Variants in LIPA observed in about 807,000 individuals in gnomAD.
LIPA encodes the protein lipase A, lysosomal acid type, also known as lysosomal acid lipase/cholesteryl ester hydrolase.
A neutral mutation model predicts 40.6 loss-of-function variants in LIPA; 26 were observed. That is an observed-to-expected ratio of 0.64 (90% CI 0.47 to 0.89). LIPA has a LOEUF of 0.89. Among genes scored for constraint, LIPA ranks in the 40% least tolerant of loss-of-function variants. The probability of loss-of-function intolerance (pLI) is 0.00; values close to 1 mark genes in which losing one functional copy is unlikely to be tolerated. For synonymous variants in LIPA, 188 were observed against 168.4 expected (o/e 1.12, Z -0.90); for missense variants, 455 against 479.6 (o/e 0.95, Z 0.48).
rs1407750000 is a variant in LIPA at position 89,214,927 on chromosome 10, C to G, written c.1101G>C (p.Glu367Asp). The G allele has an allele frequency of 1.2e-6, 2 of 1,614,072 alleles. No homozygotes were observed. Among genetic ancestry groups the G allele is most frequent in the Non-Finnish European group, 1.7e-6 (2 of 1,179,964 alleles). Residue 367 changes from glutamate (E) to aspartate (D), a missense_variant, in exon 10 of 10, where the codon GAG becomes GAC. By Grantham distance (45) the Glu-to-Asp change is conservative. Coordinates refer to ENST00000336233, the MANE Select transcript of LIPA (RefSeq NM_000235.4). ...CAAGATGCTCCCATTCCGGAATGCT[C>G]TCATGGAACACCAAGTTGGTGATCT... Reference protein sequence around the residue: ...LTQITNLVFHESIPEWEHLDF... With the variant: ...LTQITNLVFHDSIPEWEHLDF...
chr10:89,320,419 C>T (rs912576556), intron 1 of LIPA, among the ~76,000 whole-genome samples: 1 of 152,052 alleles, frequency 6.6e-6, no homozygotes, highest in Non-Finnish European at 1.5e-5. Flanking sequence ...TCCTATACAC[C>T]AATAACAGAC....
Position 89,408,080 on chromosome 10 carries a change from A to G in LIPA, c.61+4711T>C, listed in dbSNP as rs536101123. 3.3e-3 allele frequency among the ~76,000 whole-genome samples: 504 copies of G among 152,192 alleles called. 5 individuals carry two copies. Among genetic ancestry groups the G allele is most frequent in the African/African-American group, 0.012 (483 of 41,522 alleles). On this transcript the variant is annotated intron_variant, in intron 2 of 8. Coordinates refer to the LIPA transcript ENST00000371837. Reference sequence around the variant, plus strand: ...CAGGGGGAGAAACAAACAAACCAAAACCATGGGTGGTTTTGTCTTTCAGAA... The same window carrying G: ...CAGGGGGAGAAACAAACAAACCAAAGCCATGGGTGGTTTTGTCTTTCAGAA...
intron 2 of LIPA, among the ~76,000 whole-genome samples, chr10:89,357,184 G>A (rs1434449075): frequency 3.9e-5 from 6 of 152,268 alleles, no homozygotes; most frequent in African/African-American, 7.2e-5. Flanking sequence ...CAGGAACCAG[G>A]GACAAAGGCT....
intron 2 of LIPA, among the ~76,000 whole-genome samples, chr10:89,394,577 A>AATATATATAT (rs200060906): frequency 1.2e-3 from 125 of 108,680 alleles, no homozygotes; most frequent in Non-Finnish European, 1.9e-3. Flanking sequence ...ACTACAGGAA[A>AATATATATAT]ATATATATAT....
chr10:89,289,924 A>G (rs533325102), intron 1 of LIPA, among the ~76,000 whole-genome samples: 1 of 151,186 alleles, frequency 6.6e-6, no homozygotes, highest in East Asian at 2.0e-4. Flanking sequence ...TTCTTTAACA[A>G]ACAATTGCTG....
intron 1 of LIPA, among the ~76,000 whole-genome samples, chr10:89,325,167 C>T (rs1843592055): frequency 6.6e-6 from 1 of 152,142 alleles, no homozygotes; most frequent in Admixed American, 6.5e-5. Flanking sequence ...AATGAGATAT[C>T]ATGTCATACC....
intron 1 of LIPA, chr10:89,291,969 T>C (rs1189747756): frequency 1.3e-5 from 2 of 152,164 alleles, no homozygotes; most frequent in Admixed American, 1.3e-4. Context: ...GTGTACCCTC[T>C]TTACTCTCAA....
At chr10:89,325,808 C>T (rs1347972339) in intron 1 of LIPA, among the ~76,000 whole-genome samples, 1 of 152,054 alleles carries the variant, frequency 6.6e-6, no homozygotes, top group African/African-American at 2.4e-5. Context: ...AGCCTCATGA[C>T]ATGCAATTTA....
chr10:89,321,211 G>C (rs1295767891), intron 1 of LIPA, among the ~76,000 whole-genome samples: 1 of 152,014 alleles, frequency 6.6e-6, no homozygotes, highest in Non-Finnish European at 1.5e-5. Context: ...AGCCAAAATT[G>C]ACAAATGGGA....
At chr10:89,240,402 C>A (rs1360854299) in intron 3 of LIPA, among the ~76,000 whole-genome samples, 1 of 152,088 alleles carries the variant, frequency 6.6e-6, no homozygotes, top group South Asian at 2.1e-4. Context: ...TATGATTGTA[C>A]CACTGCATTC....
At chr10:89,262,547 A>G (rs1843216193) in intron 1 of LIPA, among the ~76,000 whole-genome samples, 1 of 152,184 alleles carries the variant, frequency 6.6e-6, no homozygotes, top group African/African-American at 2.4e-5. Flanking sequence ...ACATTTTTAT[A>G]TCTTCATTCT....
At chr10:89,241,566 C>A (rs1487098048) in intron 3 of LIPA, among the ~76,000 whole-genome samples, 1 of 152,184 alleles carries the variant, frequency 6.6e-6, no homozygotes, top group Non-Finnish European at 1.5e-5. Context: ...AAGCAAAATA[C>A]AAGCTGATGG....
intron 1 of LIPA, chr10:89,306,551 A>C: frequency 1.2e-6 from 2 of 1,614,084 alleles, no homozygotes; most frequent in Non-Finnish European, 1.7e-6. Flanking sequence ...TGACCCTCTG[A>C]GGCAAGCCAT....
intron 2 of LIPA, among the ~76,000 whole-genome samples, chr10:89,389,238 G>A (rs1844229059): frequency 1.3e-5 from 2 of 152,126 alleles, no homozygotes; most frequent in East Asian, 3.8e-4. Context: ...AAAACGTGAG[G>A]AAAATCAAAG....
Position 89,289,959 on chromosome 10 carries a change from A to T in LIPA, c.-1-42310T>A, listed in dbSNP as rs566616349. Reference sequence around the variant, plus strand: ...GGCTTTGCATTTCTCTTTCCTACAAAATCGCTGAGGCCTTGACTTACTCAC... The same window carrying T: ...GGCTTTGCATTTCTCTTTCCTACAATATCGCTGAGGCCTTGACTTACTCAC... On this transcript the variant is annotated intron_variant, in intron 1 of 5. Coordinates refer to the LIPA transcript ENST00000282673. 1.1e-4 allele frequency among the ~76,000 whole-genome samples: 16 copies of T among 146,436 alleles called. No individual in the cohort carries two copies. The South Asian group carries it at 3.7e-3, about 34-fold the overall frequency.
chr10:89,256,776 T>C (rs1003058009), intron 1 of LIPA, among the ~76,000 whole-genome samples: 3 of 152,230 alleles, frequency 2.0e-5, no homozygotes, highest in African/African-American at 7.2e-5. Context: ...TAAATCCAGG[T>C]TGTCATCCGT....
At chr10:89,359,784 C>T (rs1235889430) in intron 2 of LIPA, among the ~76,000 whole-genome samples, 1 of 151,374 alleles carries the variant, frequency 6.6e-6, no homozygotes, top group Non-Finnish European at 1.5e-5. Context: ...AGGCCTGGAT[C>T]TCCCTCTCTA....
At chr10:89,320,733 GA>G (rs1843566622) in intron 1 of LIPA, among the ~76,000 whole-genome samples, 1 of 152,120 alleles carries the variant, frequency 6.6e-6, no homozygotes, top group Non-Finnish European at 1.5e-5. Context: ...AGTTCATATG[GA>G]ACCAAAATAG....
At chr10:89,241,817 A>T (rs1444905613) in intron 3 of LIPA, among the ~76,000 whole-genome samples, 6 of 152,056 alleles carry the variant, frequency 3.9e-5, no homozygotes, top group African/African-American at 9.7e-5. Flanking sequence ...TATATATATA[A>T]AATATATATT....
Sources: gnomAD v4.1 joint callset for allele counts (sites outside exome capture counted in the v4.1 genomes callset) on GRCh38, gnomAD v4.1.1 for gene constraint, MANE v1.5 for transcripts, NCBI Gene and HGNC (gene_info 2026-07-23, HGNC 2026-07-21) for gene names.